CUX1: variants seen among roughly 807,000 people sequenced by gnomAD.
CUX1 encodes cut like homeobox 1.
Under a neutral mutation model 158.8 loss-of-function variants are expected in CUX1, and 31 were observed. The observed-to-expected ratio is 0.20, with a 90% CI of 0.15 to 0.26. CUX1 has a LOEUF of 0.26. CUX1 is among the 10% of genes least tolerant of loss of function. The probability of loss-of-function intolerance (pLI) is 1.00; values close to 1 mark genes in which losing one functional copy is unlikely to be tolerated. For synonymous variants in CUX1, 879 were observed against 862.1 expected (o/e 1.02, Z -0.34); for missense variants, 1,589 against 2,014.6 (o/e 0.79, Z 4.04).
intron 1 of CUX1, among the ~76,000 whole-genome samples, chr7:101,858,120 C>T (rs1328639642): frequency 6.6e-6 from 1 of 152,054 alleles, no homozygotes; most frequent in African/African-American, 2.4e-5. Flanking sequence ...GAGACTCTGT[C>T]TCAAAAAAAG....
At chr7:102,103,138 TG>T (rs1282704166) in intron 5 of CUX1, among the ~76,000 whole-genome samples, 1 of 152,042 alleles carries the variant, frequency 6.6e-6, no homozygotes, top group Non-Finnish European at 1.5e-5. Context: ...CCCACATCCT[TG>T]GTGCTCACAC....
At chr7:102,124,374 C>T (rs1832381037) in intron 8 of CUX1, among the ~76,000 whole-genome samples, 1 of 152,242 alleles carries the variant, frequency 6.6e-6, no homozygotes, top group African/African-American at 2.4e-5. Flanking sequence ...TGCAGGCATA[C>T]CTGCACTCAC....
chr7:101,912,369 G>C (rs1247259281), intron 1 of CUX1, among the ~76,000 whole-genome samples: 1 of 152,060 alleles, frequency 6.6e-6, no homozygotes. Context: ...AGACCCACGA[G>C]GCTCTGGATT....
In CUX1 at chr7:102,250,052, GAAAAA is replaced by G. The variant is rs1171896359; in HGVS notation, c.*1015_*1019del. The G allele has an allele frequency of 1.9e-5, 17 of 917,344 alleles. No individual in the cohort carries two copies. Among genetic ancestry groups the G allele is most frequent in the Non-Finnish European group, 2.1e-5 (17 of 795,148 alleles). 56.8% of individuals were successfully genotyped at this position (917,344 alleles called of 1,614,324 possible). A position where few individuals can be genotyped will look rare whatever the true frequency, so the allele number is the denominator to read the frequency against. ...CTAGGCCAAATCAGGACAAAAAAAA[GAAAAA>G]AAAAGAAAAAAAAAAAAGAAAAGAT... is the stretch of plus-strand genomic sequence containing the variant. On this transcript the variant is annotated 3_prime_UTR_variant, in exon 24 of 24. Transcript: ENST00000292535.
chr7:102,019,342 G>A (rs1275906611), intron 2 of CUX1, among the ~76,000 whole-genome samples: 2 of 151,758 alleles, frequency 1.3e-5, no homozygotes, highest in Non-Finnish European at 2.9e-5. Context: ...ATTCTGCCTC[G>A]GCCTTTGGAG....
chr7:102,084,298 TTTATA>T (rs1563219625), intron 4 of CUX1, among the ~76,000 whole-genome samples: 1 of 148,638 alleles, frequency 6.7e-6, no homozygotes, highest in South Asian at 2.1e-4. Flanking sequence ...AAATATATAT[TTTATA>T]TTATGTAATG....
chr7:102,169,504 A>G (rs1791478680), intron 9 of CUX1, among the ~76,000 whole-genome samples: 1 of 152,228 alleles, frequency 6.6e-6, no homozygotes, highest in Non-Finnish European at 1.5e-5. Context: ...ACTGTGCCTC[A>G]GTCCTAAGTA....
At chr7:101,836,886 A>G (rs997854501) in intron 1 of CUX1, among the ~76,000 whole-genome samples, 1 of 152,084 alleles carries the variant, frequency 6.6e-6, no homozygotes, top group Non-Finnish European at 1.5e-5. Context: ...TAAAAATCGC[A>G]GAGGACATGG....
At position 101,991,792 on chromosome 7, in the gene CUX1, G is replaced by A. The variant is rs185997761; in HGVS notation, c.142-36306G>A. 6.7e-3 allele frequency among the ~76,000 whole-genome samples: 1,018 copies of A among 151,798 alleles called. 35 individuals carry two copies. Among genetic ancestry groups the A allele is most frequent in the Admixed American group, 0.059 (898 of 15,224 alleles). ...AAAAAAAAAAATCAGTTAGTAGCCA[G>A]GCACCATGCACACACCTATAGTCCC... On this transcript the variant is annotated intron_variant, in intron 2 of 23. Coordinates refer to ENST00000292535, the MANE Select transcript of CUX1 (RefSeq NM_181552.4).
In CUX1 at chr7:102,252,723, G is replaced by A. The variant is rs1399460825; in HGVS notation, c.*3681G>A. ...CACTTCCACCCCAGAGGAGTCTTCT[G>A]TCCTCCTCCCCAACCCCCGAGCTCC... is the stretch of plus-strand genomic sequence containing the variant. On this transcript the variant is annotated 3_prime_UTR_variant, in exon 24 of 24. Coordinates refer to ENST00000292535, the MANE Select transcript of CUX1 (RefSeq NM_181552.4). 1.1e-5 allele frequency: 11 copies of A among 985,324 alleles called. No individual in the cohort carries two copies. Among genetic ancestry groups the A allele is most frequent in the African/African-American group, 3.5e-5 (2 of 57,218 alleles). 61.0% of individuals were successfully genotyped at this position (985,324 alleles called of 1,614,324 possible). A position where few individuals can be genotyped will look rare whatever the true frequency, so the allele number is the denominator to read the frequency against.
intron 3 of CUX1, among the ~76,000 whole-genome samples, chr7:102,043,245 C>T (rs1393315614): frequency 2.0e-5 from 3 of 151,836 alleles, no homozygotes; most frequent in Non-Finnish European, 2.9e-5. Context: ...TCCACCACAC[C>T]CAGCCCAATG....
At chr7:102,094,392 G>A (rs920968292) in intron 4 of CUX1, among the ~76,000 whole-genome samples, 3 of 152,200 alleles carry the variant, frequency 2.0e-5, no homozygotes, top group African/African-American at 4.8e-5. Context: ...TACATGCCAT[G>A]ATGAATGATT....
At chr7:102,141,740 A>G (rs1160005065) in intron 8 of CUX1, among the ~76,000 whole-genome samples, 3 of 148,850 alleles carry the variant, frequency 2.0e-5, no homozygotes, top group African/African-American at 5.0e-5. Context: ...CTCCCACCTT[A>G]GCCTCCCGAG....
At chr7:102,277,534 TGCAGTGA>T (rs1791693355) in intron 17 of CUX1, among the ~76,000 whole-genome samples, 1 of 151,682 alleles carries the variant, frequency 6.6e-6, no homozygotes, top group Non-Finnish European at 1.5e-5. Context: ...AGGCAGAGGT[TGCAGTGA>T]GCCGAGATTG....
chr7:101,887,205 G>A (rs1326230115), intron 1 of CUX1, among the ~76,000 whole-genome samples: 2 of 152,162 alleles, frequency 1.3e-5, no homozygotes, highest in Non-Finnish European at 2.9e-5. Flanking sequence ...GGGCAGCCGA[G>A]TTGCTGTGAC....
At chr7:102,166,788 T>G (rs1229575150) in intron 9 of CUX1, among the ~76,000 whole-genome samples, 3 of 152,164 alleles carry the variant, frequency 2.0e-5, no homozygotes, top group Admixed American at 6.5e-5. Flanking sequence ...TTTGTGAGTT[T>G]TGTATTTTTT....
intron 4 of CUX1, among the ~76,000 whole-genome samples, chr7:102,072,818 G>C (rs1826275139): frequency 6.6e-6 from 1 of 152,192 alleles, no homozygotes; most frequent in Non-Finnish European, 1.5e-5. Context: ...GGTAGTGACT[G>C]AGAATTTTCT....
intron 1 of CUX1, among the ~76,000 whole-genome samples, chr7:101,846,288 C>T (rs969974379): frequency 4.6e-5 from 7 of 151,952 alleles, no homozygotes; most frequent in African/African-American, 7.2e-5. Context: ...GGGGAGTTCC[C>T]GAGCCCTTTT....
rs1825332909 is a variant in CUX1 at position 102,064,629 on chromosome 7, C to G, written c.190-5710C>G. Among the ~76,000 whole-genome samples, 3 of 152,206 alleles carry G rather than the reference C, an allele frequency of 2.0e-5. No homozygotes were observed. The South Asian group carries it at 6.2e-4, about 31-fold the overall frequency. ...GGTGAGCAGGACACTGTCCCTTCCT[C>G]CCTCCCTCCCACGGATGCTCTTCCT... On this transcript the variant is annotated intron_variant, in intron 3 of 23. Coordinates refer to ENST00000292535, the MANE Select transcript of CUX1 (RefSeq NM_181552.4).
Sources: gnomAD v4.1 joint callset for allele counts (sites outside exome capture counted in the v4.1 genomes callset) on GRCh38, gnomAD v4.1.1 for gene constraint, MANE v1.5 for transcripts, NCBI Gene and HGNC (gene_info 2026-07-23, HGNC 2026-07-21) for gene names.